MARCHF1: variants seen among roughly 807,000 people sequenced by gnomAD.
MARCHF1 encodes membrane associated ring-CH-type finger 1.
A neutral mutation model predicts 54.2 loss-of-function variants in MARCHF1; 40 were observed. The observed-to-expected ratio is 0.74, with a 90% CI of 0.57 to 0.96. MARCHF1 has a LOEUF of 0.96. Among genes scored for constraint, MARCHF1 ranks in the 40% least tolerant of loss-of-function variants. The pLI is 0.00. For synonymous variants in MARCHF1, 236 were observed against 236.3 expected (o/e 1.00, Z 0.01); for missense variants, 586 against 656.5 (o/e 0.89, Z 1.17).
intron 3 of MARCHF1, among the ~76,000 whole-genome samples, chr4:163,930,822 G>A (rs1256387634): frequency 6.6e-6 from 1 of 152,112 alleles, no homozygotes; most frequent in Non-Finnish European, 1.5e-5. Flanking sequence ...TGCTGAATAA[G>A]TTAAGACTTT....
chr4:163,702,537 G>C (rs151335934), intron 4 of MARCHF1, among the ~76,000 whole-genome samples: 65 of 152,136 alleles, frequency 4.3e-4, no homozygotes, highest in Non-Finnish European at 7.9e-4. Context: ...CAGGAATCAC[G>C]CAAAATAAGA....
At chr4:163,809,073 TC>T (rs1490164617) in intron 4 of MARCHF1, among the ~76,000 whole-genome samples, 1 of 152,104 alleles carries the variant, frequency 6.6e-6, no homozygotes, top group East Asian at 1.9e-4. Context: ...TGCAATTGAT[TC>T]CCGGCTTTCA....
chr4:163,567,097 C>T (rs556170141), intron 8 of MARCHF1, among the ~76,000 whole-genome samples: 6 of 152,226 alleles, frequency 3.9e-5, no homozygotes, highest in Admixed American at 1.3e-4. Context: ...AACAAAGCTG[C>T]ATTTTCTGCA....
intron 3 of MARCHF1, among the ~76,000 whole-genome samples, chr4:163,874,051 G>T (rs540129132): frequency 2.6e-4 from 40 of 152,290 alleles, no homozygotes; most frequent in African/African-American, 9.1e-4. Flanking sequence ...CTAAGTCTAA[G>T]ATATTGGAAG....
At chr4:164,274,282 G>C (rs1219888654) in intron 1 of MARCHF1, among the ~76,000 whole-genome samples, 5 of 152,170 alleles carry the variant, frequency 3.3e-5, no homozygotes, top group Non-Finnish European at 7.3e-5. Context: ...AGCTCAGAAA[G>C]ATGACTCAGG....
At chr4:164,081,281 A>T (rs183207171) in intron 2 of MARCHF1, among the ~76,000 whole-genome samples, 2 of 150,552 alleles carry the variant, frequency 1.3e-5, no homozygotes, top group East Asian at 3.9e-4. Context: ...AGAAATGTTC[A>T]TGAGTTCATG....
chr4:163,548,943 C>T (rs1019459595), intron 8 of MARCHF1, among the ~76,000 whole-genome samples: 5 of 152,208 alleles, frequency 3.3e-5, no homozygotes, highest in African/African-American at 1.2e-4. Context: ...TCGTGATAGG[C>T]AAGTGATAAT....
chr4:163,738,112 C>G lies in MARCHF1; in HGVS notation c.112-37249G>C, dbSNP rs544124503. Among the ~76,000 whole-genome samples the G allele has an allele frequency of 3.4e-4, 52 of 152,184 alleles. 1 individual carries two copies. The highest frequency in any genetic ancestry group is 1.1e-3 in the African/African-American group (45 of 41,522). On this transcript the variant is annotated intron_variant, in intron 4 of 9. Transcript: ENST00000514618. ...GGCAGGCTGCCTTGTAGATCTGGTC[C>G]TAACAAACATATTTCAGTTCTTATT...
intron 1 of MARCHF1, among the ~76,000 whole-genome samples, chr4:164,153,673 TCATA>T (rs1389346055): frequency 6.6e-6 from 1 of 152,114 alleles, no homozygotes; most frequent in East Asian, 1.9e-4. Context: ...ATTTTATACA[TCATA>T]CAAACAACCA....
intron 1 of MARCHF1, among the ~76,000 whole-genome samples, chr4:164,154,862 C>T (rs887494341): frequency 1.3e-5 from 2 of 152,156 alleles, no homozygotes; most frequent in African/African-American, 4.8e-5. Flanking sequence ...AGGTCACACA[C>T]GGACTTGAAG....
At chr4:164,077,425 C>A (rs907957447) in intron 2 of MARCHF1, among the ~76,000 whole-genome samples, 2 of 152,070 alleles carry the variant, frequency 1.3e-5, no homozygotes, top group East Asian at 3.8e-4. Context: ...ACCATAAAAA[C>A]CCTAGAAGAA....
At chr4:163,757,993 T>TA (rs139699947) in intron 4 of MARCHF1, among the ~76,000 whole-genome samples, 7,628 of 152,212 alleles carry the variant, frequency 0.05, 277 homozygotes, top group Non-Finnish European at 0.072. Flanking sequence ...TTACGTATAG[T>TA]AAAAAAATGC....
chr4:163,530,558 GA>G (rs944765401), intron 9 of MARCHF1: 3 of 151,692 alleles, frequency 2.0e-5, no homozygotes, highest in African/African-American at 7.3e-5. Flanking sequence ...AATTTTTGGG[GA>G]AAAAATGTTC....
intron 1 of MARCHF1, among the ~76,000 whole-genome samples, chr4:164,342,786 C>T (rs1322014102): frequency 2.0e-5 from 3 of 151,946 alleles, no homozygotes; most frequent in African/African-American, 7.3e-5. Context: ...CACAAAAACA[C>T]ACAATGGAAT....
intron 1 of MARCHF1, among the ~76,000 whole-genome samples, chr4:164,366,201 T>C (rs879627186): frequency 4.6e-5 from 7 of 152,064 alleles, no homozygotes; most frequent in African/African-American, 1.2e-4. Context: ...TTCAAGGGCA[T>C]ATAAATAATA....
chr4:164,271,266 T>A (rs973410788), intron 1 of MARCHF1, among the ~76,000 whole-genome samples: 4 of 152,154 alleles, frequency 2.6e-5, no homozygotes, highest in Non-Finnish European at 5.9e-5. Context: ...GATGGAGAGA[T>A]CTTCCTGGGT....
chr4:164,060,799 C>A (rs1754598794), intron 2 of MARCHF1, among the ~76,000 whole-genome samples: 1 of 152,154 alleles, frequency 6.6e-6, no homozygotes, highest in Non-Finnish European at 1.5e-5. Flanking sequence ...CTCTTATAAG[C>A]AACAACGAAG....
intron 1 of MARCHF1, among the ~76,000 whole-genome samples, chr4:164,339,530 T>A (rs951750122): frequency 2.0e-4 from 30 of 151,930 alleles, no homozygotes; most frequent in Non-Finnish European, 8.8e-5. Context: ...GCAAAAAAAA[T>A]TTAAAACAAC....
chr4:163,571,587 A>G (rs1239329753), intron 8 of MARCHF1, among the ~76,000 whole-genome samples: 1 of 152,170 alleles, frequency 6.6e-6, no homozygotes, highest in African/African-American at 2.4e-5. Flanking sequence ...AAAAGGATCT[A>G]GCTCCAAAAT....
Sources: allele counts gnomAD v4.1 joint callset (sites outside exome capture counted in the v4.1 genomes callset), GRCh38; gene constraint gnomAD v4.1.1; transcripts MANE v1.5; gene names NCBI Gene and HGNC (gene_info 2026-07-23, HGNC 2026-07-21).